The following PI4KA variants were observed in gnomAD, a reference collection of about 807,000 sequenced individuals.
PI4KA encodes PI4-kinase alpha.
Under a neutral mutation model 271.4 loss-of-function variants are expected in PI4KA, and 122 were observed. The observed-to-expected ratio is 0.45, with a 90% CI of 0.39 to 0.52. The LOEUF (loss-of-function observed/expected upper bound fraction) is 0.52, where lower values mean the gene tolerates loss of function less well. Ranked by LOEUF, PI4KA falls within the 20% of genes least tolerant of loss-of-function variation. The pLI is 0.00. For missense variants in PI4KA, 1,969 were observed against 2,769.1 expected (o/e 0.71, Z 6.48); for synonymous variants, 1,041 against 1,078.8 (o/e 0.96, Z 0.69).
chr22:20,825,275 T>C (rs888424085), intron 3 of PI4KA, among the ~76,000 whole-genome samples: 3 of 152,084 alleles, frequency 2.0e-5, no homozygotes, highest in African/African-American at 7.2e-5. Context: ...TTAGTAATGA[T>C]GCTCTATTTA....
chr22:20,852,619 C>T (rs748317665), intron 1 of PI4KA, among the ~76,000 whole-genome samples: 9 of 152,012 alleles, frequency 5.9e-5, no homozygotes, highest in Non-Finnish European at 1.2e-4. Context: ...ATTCTGGCAC[C>T]GCGTATACCC....
chr22:20,734,600 G>A (rs1928480511), intron 32 of PI4KA, 47 bp from the exon 33 acceptor site: 5 of 1,536,668 alleles, frequency 3.3e-6, no homozygotes, highest in Non-Finnish European at 4.4e-6. Context: ...ACACAAAAAG[G>A]GGCTACTGTC....
Position 20,799,119 on chromosome 22 carries a change from G to A in PI4KA, c.1978C>T (p.Leu660=). Residue 660 remains leucine (L), a synonymous_variant, in exon 16 of 55, where the codon CTG becomes TTG. Transcript: ENST00000255882. ...SPLDVLIIDQ[L]GCLVITGNQY... ...TTTCCGGTGATAACCAGGCAGCCCA[G>A]CTGGTCAATAATCAGCACATCGAGG... 6.2e-7 allele frequency: 1 copy of A among 1,613,608 alleles called. No individual in the cohort carries two copies. The highest frequency in any genetic ancestry group is 8.5e-7 in the Non-Finnish European group (1 of 1,179,854).
In PI4KA at chr22:20,753,118, C is replaced by T. The variant is rs369792315; in HGVS notation, c.2854G>A (p.Ala952Thr). 10 of 1,614,128 alleles carry T rather than the reference C, an allele frequency of 6.2e-6. No homozygotes were observed. The highest frequency in any genetic ancestry group is 8.5e-6 in the Non-Finnish European group (10 of 1,180,024). Residue 952 changes from alanine (A) to threonine (T), a missense_variant, in exon 24 of 55, where the codon GCG (alanine) becomes ACG (threonine). By Grantham distance (58) the Ala-to-Thr change is moderately conservative (BLOSUM62 0). Around this residue, in one of 13 missense-constraint regions of PI4KA, gnomAD observed 368 missense variants for 544.3 expected, o/e 0.68. Coordinates refer to ENST00000255882, the MANE Select transcript of PI4KA (RefSeq NM_058004.4). Reference protein sequence around the residue: ...KVFDAFLNMMADKAKTKENEE... With the variant: ...KVFDAFLNMMTDKAKTKENEE... Reference sequence around the variant, plus strand: ...ATGCTGGAGAGGCTTACTTTATCCGCCATCATGTTCAGGAAGGCATCGAAT... The same window carrying T: ...ATGCTGGAGAGGCTTACTTTATCCGTCATCATGTTCAGGAAGGCATCGAAT...
intron 4 of PI4KA, among the ~76,000 whole-genome samples, chr22:20,821,564 T>G (rs1455904968): frequency 1.3e-5 from 2 of 149,928 alleles, no homozygotes; most frequent in Non-Finnish European, 3.0e-5. Flanking sequence ...CCTGGAAGGG[T>G]GGCTTATGCC....
chr22:20,763,026 G>GCGGGT (rs1555888580), intron 22 of PI4KA, among the ~76,000 whole-genome samples: 1 of 68,492 alleles, frequency 1.5e-5, no homozygotes, highest in Non-Finnish European at 2.5e-5. Flanking sequence ...TTGGGGGGGG[G>GCGGGT]GGGGGTTAGA....
intron 40 of PI4KA, 110 bp downstream of exon 40, chr22:20,727,663 TG>T (rs1161070889): frequency 1.2e-6 from 1 of 813,830 alleles, no homozygotes. Context: ...TGAATAGCAC[TG>T]AAGTTGCCAA....
At position 20,858,640 on chromosome 22, in the gene PI4KA, C is replaced by G; in HGVS notation, c.86G>C (p.Gly29Ala). 1.3e-6 allele frequency: 2 copies of G among 1,486,148 alleles called. No individual in the cohort carries two copies. Among genetic ancestry groups the G allele is most frequent in the Non-Finnish European group, 1.8e-6 (2 of 1,124,712 alleles). 92.1% of individuals were successfully genotyped at this position (1,486,148 alleles called of 1,614,324 possible). A position where few individuals can be genotyped will look rare whatever the true frequency, so the allele number is the denominator to read the frequency against. The part of the protein sequence containing the change: ...CSGSGSSASR[G>A]FYFNTVLSLA... ...TGACAGGACCGTGTTGAAATAGAAG[C>G]CCCGCGAGGCGCTGGAGCCGGAGCC... The change falls in exon 1 of 55, where the codon GGC becomes GCC. Residue 29 changes from glycine to alanine, a missense_variant. By Grantham distance (60) the Gly-to-Ala change is moderately conservative. Coordinates refer to ENST00000255882, the MANE Select transcript of PI4KA (RefSeq NM_058004.4).
chr22:20,820,749 G>T, intron 4 of PI4KA, 138 bp from the exon 5 acceptor site: 1 of 636,466 alleles, frequency 1.6e-6, no homozygotes, highest in Non-Finnish European at 2.7e-6. Context: ...CACAACGACT[G>T]TGCCAAGTGG....
At chr22:20,781,933 G>A (rs555813499) in intron 19 of PI4KA, among the ~76,000 whole-genome samples, 2 of 152,308 alleles carry the variant, frequency 1.3e-5, no homozygotes, top group South Asian at 2.1e-4. Flanking sequence ...AACCATAAGC[G>A]ATGGCAATGC....
Position 20,714,615 on chromosome 22 carries a change from G to A in PI4KA, c.5390+13C>T. ...CGCGTGGAAGTGGGGGATGGGTAGGGTGAGGCGCCCACCTCTGCATCGGGG... is the reference window on the plus strand; with the variant it reads ...CGCGTGGAAGTGGGGGATGGGTAGGATGAGGCGCCCACCTCTGCATCGGGG... On this transcript the variant is annotated intron_variant, in intron 46 of 54. Coordinates refer to ENST00000255882, the MANE Select transcript of PI4KA (RefSeq NM_058004.4). 3 of 1,614,024 alleles carry A rather than the reference G, an allele frequency of 1.9e-6. No individual in the cohort carries two copies.
chr22:20,856,032 G>A (rs182620752), intron 1 of PI4KA, among the ~76,000 whole-genome samples: 14 of 152,236 alleles, frequency 9.2e-5, no homozygotes, highest in Middle Eastern at 3.4e-3. Flanking sequence ...CTGTAATCCC[G>A]GCACTTTGGG....
chr22:20,723,473 G>A (rs1926984644), intron 42 of PI4KA, among the ~76,000 whole-genome samples: 1 of 151,760 alleles, frequency 6.6e-6, no homozygotes, highest in Admixed American at 6.6e-5. Context: ...CGAGGCAGGT[G>A]GATCACCTGA....
At chr22:20,731,876 C>T (rs1413942127) in intron 36 of PI4KA, among the ~76,000 whole-genome samples, 9 of 150,656 alleles carry the variant, frequency 6.0e-5, no homozygotes, top group Non-Finnish European at 1.2e-4. Flanking sequence ...TTGCAGTGAG[C>T]GGAGACTGCA....
chr22:20,785,441 C>A (rs148460560), intron 19 of PI4KA, among the ~76,000 whole-genome samples: 10 of 152,162 alleles, frequency 6.6e-5, no homozygotes, highest in African/African-American at 1.9e-4. Context: ...GAAGATCAAG[C>A]CTTCCTGCCC....
At chr22:20,719,974 C>T (rs1442054262) in intron 43 of PI4KA, among the ~76,000 whole-genome samples, 2 of 139,510 alleles carry the variant, frequency 1.4e-5, no homozygotes, top group Non-Finnish European at 3.0e-5. Flanking sequence ...TGCAGTGAGC[C>T]GAGATCGTGC....
intron 10 of PI4KA, among the ~76,000 whole-genome samples, chr22:20,806,531 G>A (rs367894454): frequency 4.6e-5 from 7 of 151,920 alleles, no homozygotes; most frequent in East Asian, 2.0e-4. Flanking sequence ...TTAGGCAGAC[G>A]TGGTGGCACA....
intron 4 of PI4KA, among the ~76,000 whole-genome samples, chr22:20,823,443 A>G (rs1922970689): frequency 6.6e-6 from 1 of 152,240 alleles, no homozygotes; most frequent in Admixed American, 6.5e-5. Context: ...ACAAGCAACT[A>G]GGCACTGTTT....
intron 23 of PI4KA, among the ~76,000 whole-genome samples, chr22:20,754,922 T>C (rs1026834144): frequency 3.3e-5 from 5 of 152,184 alleles, no homozygotes; most frequent in African/African-American, 9.7e-5. Flanking sequence ...CACTCCAGCC[T>C]GGGTGACAGA....
Sources: allele counts gnomAD v4.1 joint callset (sites outside exome capture counted in the v4.1 genomes callset), GRCh38; gene constraint gnomAD v4.1.1; regional missense constraint gnomAD v4.1.1; transcripts MANE v1.5; gene names NCBI Gene and HGNC (gene_info 2026-07-23, HGNC 2026-07-21).